RABGAP1L: variants seen among roughly 807,000 people sequenced by gnomAD.
RABGAP1L encodes RAB GTPase activating protein 1 like, also known as rab GTPase-activating protein 1-like.
RABGAP1L carries 63 observed loss-of-function variants against 137.7 expected under a neutral mutation model. The observed-to-expected ratio is 0.46, with a 90% CI of 0.37 to 0.56. RABGAP1L has a LOEUF of 0.56. RABGAP1L is among the 20% of genes least tolerant of loss of function. The pLI is 0.00. For synonymous variants in RABGAP1L, 431 were observed against 433.7 expected (o/e 0.99, Z 0.08); for missense variants, 1,095 against 1,244.0 (o/e 0.88, Z 1.80).
chr1:174,502,592 A>ATATATG (rs1270748858), intron 13 of RABGAP1L, among the ~76,000 whole-genome samples: 2 of 147,758 alleles, frequency 1.4e-5, no homozygotes, highest in African/African-American at 2.5e-5. Flanking sequence ...ATATATATAT[A>ATATATG]TATATGTACA....
At chr1:174,246,590 A>G (rs1468298655) in intron 5 of RABGAP1L, among the ~76,000 whole-genome samples, 1 of 152,238 alleles carries the variant, frequency 6.6e-6, no homozygotes, top group Non-Finnish European at 1.5e-5. Flanking sequence ...AAGATACAGT[A>G]TAAAAACCAT....
At chr1:174,188,621 T>C (rs1558015087) in intron 1 of RABGAP1L, among the ~76,000 whole-genome samples, 1 of 152,240 alleles carries the variant, frequency 6.6e-6, no homozygotes, top group African/African-American at 2.4e-5. Context: ...TTTAACACTT[T>C]TGTGTCTTCT....
At chr1:174,450,590 C>G (rs1655324571) in intron 13 of RABGAP1L, among the ~76,000 whole-genome samples, 1 of 152,000 alleles carries the variant, frequency 6.6e-6, no homozygotes, top group African/African-American at 2.4e-5. Context: ...ACAGTATTTT[C>G]TTTTGTAATG....
rs372475756 is a variant in RABGAP1L, at chr1:174,311,326, G to T, written c.1465+6199G>T. Among the ~76,000 whole-genome samples the T allele has an allele frequency of 5.3e-5, 8 of 152,286 alleles. No homozygotes were observed. In the South Asian group the frequency reaches 1.5e-3, roughly 28 times the overall value. ...GTCATGAGAATTCATTCACTATCAT[G>T]AGAATAGTATGGGGGAAACTGCCCC... On this transcript the variant is annotated intron_variant, in intron 11 of 25. Transcript: ENST00000681986.
intron 1 of RABGAP1L, among the ~76,000 whole-genome samples, chr1:174,164,812 C>T (rs1344831369): frequency 6.6e-6 from 1 of 152,192 alleles, no homozygotes; most frequent in Non-Finnish European, 1.5e-5. Context: ...CTACATTTAA[C>T]AACAAATACA....
chr1:174,635,198 A>G (rs1349886362), intron 13 of RABGAP1L, among the ~76,000 whole-genome samples: 1 of 152,208 alleles, frequency 6.6e-6, no homozygotes, highest in Non-Finnish European at 1.5e-5. Context: ...TGCTAAATGC[A>G]TAATCAGTTC....
chr1:174,184,304 C>T (rs1354431414), intron 1 of RABGAP1L, among the ~76,000 whole-genome samples: 6 of 152,176 alleles, frequency 3.9e-5, no homozygotes. Context: ...TACTGAAGGA[C>T]ATTTTGGCTG....
At chr1:174,737,610 T>G (rs1683063745) in intron 17 of RABGAP1L, among the ~76,000 whole-genome samples, 1 of 152,152 alleles carries the variant, frequency 6.6e-6, no homozygotes. Context: ...CATCTTCAGG[T>G]ATTAATAGCA....
At chr1:174,623,500 G>T (rs987022097) in intron 13 of RABGAP1L, among the ~76,000 whole-genome samples, 13 of 152,196 alleles carry the variant, frequency 8.5e-5, no homozygotes, top group Non-Finnish European at 1.9e-4. Flanking sequence ...ATTAAAGCCA[G>T]CCAAGGGAAG....
chr1:174,225,795 T>C (rs1670126072), intron 3 of RABGAP1L, among the ~76,000 whole-genome samples: 1 of 152,156 alleles, frequency 6.6e-6, no homozygotes, highest in African/African-American at 2.4e-5. Context: ...CTTTGTGCTG[T>C]TTTGCAGAAT....
intron 13 of RABGAP1L, among the ~76,000 whole-genome samples, chr1:174,452,894 A>T (rs1380443605): frequency 6.6e-6 from 1 of 152,094 alleles, no homozygotes; most frequent in East Asian, 1.9e-4. Flanking sequence ...TGTGGGTGCC[A>T]TATTTATTAA....
At chr1:174,312,288 CTG>C (rs1678933360) in intron 11 of RABGAP1L, among the ~76,000 whole-genome samples, 2 of 152,288 alleles carry the variant, frequency 1.3e-5, no homozygotes, top group African/African-American at 4.8e-5. Flanking sequence ...GCTATTTTAA[CTG>C]GGGTGAGATG....
At chr1:174,193,434 A>G (rs1487291782) in intron 1 of RABGAP1L, among the ~76,000 whole-genome samples, 1 of 152,202 alleles carries the variant, frequency 6.6e-6, no homozygotes, top group East Asian at 1.9e-4. Flanking sequence ...CGGGAGGCTG[A>G]GGCATGAGAA....
At chr1:174,906,489 G>A (rs534474572) in intron 19 of RABGAP1L, among the ~76,000 whole-genome samples, 23 of 152,186 alleles carry the variant, frequency 1.5e-4, no homozygotes, top group African/African-American at 5.5e-4. Flanking sequence ...TTAGCGGGGT[G>A]TGGTGGCAGA....
chr1:174,383,320 A>G (rs1469890475), intron 12 of RABGAP1L, among the ~76,000 whole-genome samples: 1 of 151,486 alleles, frequency 6.6e-6, no homozygotes, highest in African/African-American at 2.4e-5. Context: ...GGCTCCACCC[A>G]GTTCGAGCTT....
chr1:174,929,753 AAAATAAATAAATAAATAAAT>A (rs61539169), intron 19 of RABGAP1L, among the ~76,000 whole-genome samples: 3 of 140,794 alleles, frequency 2.1e-5, no homozygotes, highest in African/African-American at 5.4e-5. Flanking sequence ...GTCTCTACAA[AAAATAAATAAATAAATAAAT>A]AAATAAATAA....
At chr1:174,703,725 C>G (rs773209960) in intron 17 of RABGAP1L, among the ~76,000 whole-genome samples, 2 of 152,266 alleles carry the variant, frequency 1.3e-5, no homozygotes, top group Non-Finnish European at 1.5e-5. Flanking sequence ...ACTCTTTTCT[C>G]TACATCCTCA....
intron 20 of RABGAP1L, among the ~76,000 whole-genome samples, chr1:174,968,440 A>G (rs1006473635): frequency 3.2e-4 from 49 of 152,082 alleles, no homozygotes; most frequent in Admixed American, 9.2e-4. Flanking sequence ...AGTTGTGAAC[A>G]TACCAAGTTC....
At chr1:174,503,349 A>T (rs1202227369) in intron 13 of RABGAP1L, among the ~76,000 whole-genome samples, 1 of 152,188 alleles carries the variant, frequency 6.6e-6, no homozygotes, top group African/African-American at 2.4e-5. Flanking sequence ...ATCAGGAAAT[A>T]GCAGTTCATC....
Sources: allele counts gnomAD v4.1 joint callset (sites outside exome capture counted in the v4.1 genomes callset), GRCh38; gene constraint gnomAD v4.1.1; transcripts MANE v1.5; gene names NCBI Gene and HGNC (gene_info 2026-07-23, HGNC 2026-07-21).